EBNA1BP2: variants seen among roughly 807,000 people sequenced by gnomAD.
EBNA1BP2 encodes EBNA1 binding protein 2, also known as probable rRNA-processing protein EBP2.
EBNA1BP2 carries 36 observed loss-of-function variants against 43.5 expected under a neutral mutation model. The observed-to-expected ratio is 0.83, with a 90% confidence interval of 0.63 to 1.09. The LOEUF (loss-of-function observed/expected upper bound fraction) is 1.09, where lower values mean the gene tolerates loss of function less well. EBNA1BP2 is among the 50% of genes least tolerant of loss of function. The pLI is 0.00. For missense variants in EBNA1BP2, 332 were observed against 379.1 expected (o/e 0.88, Z 1.03); for synonymous variants, 127 against 141.3 (o/e 0.90, Z 0.72).
Position 43,166,817 on chromosome 1 carries a change from C to A in EBNA1BP2, c.707+9G>T. 3 of 1,603,804 alleles carry A rather than the reference C, an allele frequency of 1.9e-6. No homozygotes were observed. The highest frequency in any genetic ancestry group is 2.5e-6 in the Non-Finnish European group (3 of 1,177,532). On this transcript the variant is annotated intron_variant, in intron 7 of 8. Transcript: ENST00000236051. ...AGAACCAAAGAAACCATGCCAAAAC[C>A]CTTCTCACCCCTTCCTCATCTGCTG...
At position 43,172,055 on chromosome 1, in the gene EBNA1BP2, CTCTG is replaced by C. The variant is rs753030424; in HGVS notation, c.60_63del (p.Asp20GlufsTer12). 2.7e-5 allele frequency: 43 copies of C among 1,614,110 alleles called. No individual in the cohort carries two copies. The highest frequency in any genetic ancestry group is 3.3e-5 in the Non-Finnish European group (39 of 1,180,046). On this transcript the variant is annotated frameshift_variant, in exon 1 of 9. Transcript: ENST00000236051. LOFTEE classifies it high-confidence loss of function. ...CCACGAGCTCGGCTGACACCTACCTCTCTGTCTGTGACAAGGGATTCATCGGATT... is the reference window on the plus strand; with the variant it reads ...CCACGAGCTCGGCTGACACCTACCTCTCTGTGACAAGGGATTCATCGGATT...
Position 43,172,101 on chromosome 1 carries a change from G to A in EBNA1BP2, c.18C>T (p.Leu6=). 6.2e-7 allele frequency: 1 copy of A among 1,614,150 alleles called. No homozygotes were observed. Among genetic ancestry groups the A allele is most frequent in the Non-Finnish European group, 8.5e-7 (1 of 1,180,036 alleles). Residue 6 remains leucine, a synonymous_variant, in exon 1 of 9, where the codon CTC becomes CTT. Transcript: ENST00000236051. ...CATCGGATTCCGACTCCGAATCCGA[G>A]AGCGGGGGAGTGTCCATCTCGCCGC... MDTPP[L]SDSESESDES...
In EBNA1BP2 at chr1:43,166,929, A is replaced by C; in HGVS notation, c.614-10T>G. 1 of 1,611,322 alleles carries C rather than the reference A, an allele frequency of 6.2e-7. No homozygotes were observed. Among genetic ancestry groups the C allele is most frequent in the Non-Finnish European group, 8.5e-7 (1 of 1,179,162 alleles). On this transcript the variant is annotated splice_polypyrimidine_tract_variant and intron_variant, in intron 6 of 8. Transcript: ENST00000236051. ...AGTTTATCAGAGAAGCCTGTAAGTG[A>C]AGAAGTAGTTTTGATCAGCACCATT...
At chr1:43,170,728 T>A in intron 4 of EBNA1BP2, 28 bp downstream of exon 4, 1 of 1,597,836 alleles carries the variant, frequency 6.3e-7, no homozygotes, top group Non-Finnish European at 8.5e-7. Context: ...AAGTTTTGAC[T>A]TTCCAGAGGA....
Position 43,167,151 on chromosome 1 carries a change from T to C in EBNA1BP2, c.613+9A>G, listed in dbSNP as rs923814376. On this transcript the variant is annotated intron_variant, in intron 6 of 8. Coordinates refer to ENST00000236051, the MANE Select transcript of EBNA1BP2 (RefSeq NM_006824.3). The stretch of plus-strand genomic sequence containing the variant: ...GCTACCCTCGTTCCCCTATTAGAGA[T>C]GTACCAACCTTTCTGATATTTCTTA... 1.2e-6 allele frequency: 2 copies of C among 1,613,084 alleles called. No individual in the cohort carries two copies. The highest frequency in any genetic ancestry group is 1.7e-6 in the Non-Finnish European group (2 of 1,179,178).
chr1:43,164,594 G>T lies in EBNA1BP2; in HGVS notation c.870+49C>A, dbSNP rs752294175. On this transcript the variant is annotated intron_variant, in intron 8 of 8. Coordinates refer to ENST00000236051, the MANE Select transcript of EBNA1BP2 (RefSeq NM_006824.3). ...AAGGGAGAGGGCAGGGTTGGGAGTG[G>T]GAGGGGAGGCTGAGCCTGCTCCTCA... 10 of 1,613,660 alleles carry T rather than the reference G, an allele frequency of 6.2e-6. No individual in the cohort carries two copies. In the South Asian group the frequency reaches 1.1e-4, roughly 18 times the overall value.
chr1:43,164,367 A>C lies in EBNA1BP2; in HGVS notation c.*76T>G. ...GAAATGTTTACAACATGACACCAAC[A>C]GAAGGGATCAAAGTGTGTCGTGAAA... On this transcript the variant is annotated 3_prime_UTR_variant, in exon 9 of 9. Coordinates refer to ENST00000236051, the MANE Select transcript of EBNA1BP2 (RefSeq NM_006824.3). The C allele has an allele frequency of 6.4e-7, 1 of 1,562,966 alleles. No homozygotes were observed. Among genetic ancestry groups the C allele is most frequent in the Non-Finnish European group, 8.8e-7 (1 of 1,134,120 alleles).
chr1:43,168,817 G>A (rs1452964461), intron 5 of EBNA1BP2, 122 bp downstream of exon 5: 2 of 1,001,434 alleles, frequency 2.0e-6, no homozygotes, highest in East Asian at 2.4e-5. Flanking sequence ...CATACACTGA[G>A]AGACGGTAAA....
Position 43,170,756 on chromosome 1 carries a change from C to T in EBNA1BP2, c.447G>A (p.Lys149=). 6.2e-7 allele frequency: 1 copy of T among 1,603,026 alleles called. No homozygotes were observed. The highest frequency in any genetic ancestry group is 1.1e-5 in the South Asian group (1 of 88,772). Residue 149 remains lysine (K), a splice_region_variant and synonymous_variant, in exon 4 of 9, where the codon AAG becomes AAA. Transcript: ENST00000236051. ...CCAGAGGAAAACTTCTATTTCTTAC[C>T]TTCTGCATCTGCAGATCAGATTTGG... is the stretch of plus-strand genomic sequence containing the variant. ...EMAKSDLQMQ[K]IRQKLQTKQA...
intron 3 of EBNA1BP2, 181 bp from the exon 4 acceptor site, chr1:43,171,060 C>G: frequency 2.2e-6 from 2 of 891,864 alleles, no homozygotes; most frequent in Non-Finnish European, 3.1e-6. Flanking sequence ...TAGCCGTATA[C>G]TAGTTTTTAA....
At chr1:43,170,293 G>A (rs866468499) in intron 4 of EBNA1BP2, among the ~76,000 whole-genome samples, 5 of 152,154 alleles carry the variant, frequency 3.3e-5, no homozygotes, top group African/African-American at 1.2e-4. Context: ...TTCTTCCAAA[G>A]TTAAATGAGG....
chr1:43,167,223 C>T lies in EBNA1BP2; in HGVS notation c.550G>A (p.Val184Ile), dbSNP rs144903660. 1.1e-5 allele frequency: 17 copies of T among 1,614,018 alleles called. No individual in the cohort carries two copies. The African/African-American group carries it at 2.0e-4, about 19-fold the overall frequency. ...RKYGKKVQTE[V>I]LQKRQQEKAH... ...TTCTCCTGCTGCCTCTTCTGAAGAA[C>T]CTCCGTTTGCACCTGTGATATGAAC... The change falls in exon 6 of 9, where the codon GTT (valine) becomes ATT (isoleucine). Residue 184 changes from valine (V) to isoleucine (I), a missense_variant. By Grantham distance (29) the Val-to-Ile change is conservative (BLOSUM62 3). Coordinates refer to ENST00000236051, the MANE Select transcript of EBNA1BP2 (RefSeq NM_006824.3).
chr1:43,171,369 GCT>G, intron 3 of EBNA1BP2, 108 bp downstream of exon 3: 1 of 1,331,266 alleles, frequency 7.5e-7, no homozygotes, highest in Non-Finnish European at 1.0e-6. Flanking sequence ...AAAAGAAGCC[GCT>G]CTCTCTACTC....
At chr1:43,166,782 C>T (rs374254743) in intron 7 of EBNA1BP2, 44 bp downstream of exon 7, 50 of 1,573,132 alleles carry the variant, frequency 3.2e-5, no homozygotes, top group African/African-American at 2.6e-4. Flanking sequence ...GTGGCCCCAT[C>T]GCACCTCACA....
chr1:43,170,346 T>C (rs949164396), intron 4 of EBNA1BP2, among the ~76,000 whole-genome samples: 11 of 152,100 alleles, frequency 7.2e-5, no homozygotes, highest in Admixed American at 3.3e-4. Flanking sequence ...ATCTGAACCA[T>C]CTAAGAATCC....
chr1:43,172,199 C>A lies in EBNA1BP2; in HGVS notation c.-81G>T. ...AGCGGCTAGCAGAGGGCGGCCCTGGCCGCTGCTGCCTGCCTTCAGCCCCCT... is the reference window on the plus strand; with the variant it reads ...AGCGGCTAGCAGAGGGCGGCCCTGGACGCTGCTGCCTGCCTTCAGCCCCCT... On this transcript the variant is annotated 5_prime_UTR_variant, in exon 1 of 9. Coordinates refer to ENST00000236051, the MANE Select transcript of EBNA1BP2 (RefSeq NM_006824.3). The A allele has an allele frequency of 1.9e-6, 3 of 1,598,618 alleles. No homozygotes were observed. Among genetic ancestry groups the A allele is most frequent in the Non-Finnish European group, 1.7e-6 (2 of 1,172,070 alleles).
chr1:43,166,746 T>G (rs1421985515), intron 7 of EBNA1BP2, 80 bp downstream of exon 7: 1 of 1,395,838 alleles, frequency 7.2e-7, no homozygotes, highest in Non-Finnish European at 9.9e-7. Flanking sequence ...CCGGTGGAGG[T>G]GCTATGTCTG....
At chr1:43,164,902 C>A in intron 7 of EBNA1BP2, 97 bp from the exon 8 acceptor site, 1 of 1,476,138 alleles carries the variant, frequency 6.8e-7, no homozygotes, top group Non-Finnish European at 9.2e-7. Flanking sequence ...ATAAGCAAAG[C>A]CCCTTAGGCA....
chr1:43,165,760 C>T (rs1380416954), intron 7 of EBNA1BP2, among the ~76,000 whole-genome samples: 1 of 152,150 alleles, frequency 6.6e-6, no homozygotes, highest in Non-Finnish European at 1.5e-5. Context: ...CACTGTATTC[C>T]CAGTGACACC....
Sources: allele counts gnomAD v4.1 joint callset (sites outside exome capture counted in the v4.1 genomes callset), GRCh38; gene constraint gnomAD v4.1.1; transcripts MANE v1.5; gene names NCBI Gene and HGNC (gene_info 2026-07-23, HGNC 2026-07-21).